FBN1: variants seen among roughly 807,000 people sequenced by gnomAD.
FBN1 encodes the protein fibrillin-1.
In FBN1, 29 loss-of-function variants were observed where a neutral mutation model predicts 365.1. The observed-to-expected ratio is 0.08, with a 90% CI of 0.06 to 0.11. The LOEUF is 0.11. FBN1 is among the 10% of genes least tolerant of loss of function. The probability of loss-of-function intolerance (pLI) is 1.00; values close to 1 mark genes in which losing one functional copy is unlikely to be tolerated. For missense variants in FBN1, 2,476 were observed against 3,703.2 expected (o/e 0.67, Z 8.60); for synonymous variants, 1,210 against 1,270.5 (o/e 0.95, Z 1.01).
intron 34 of FBN1, among the ~76,000 whole-genome samples, chr15:48,473,051 CA>C: frequency 6.6e-6 from 1 of 152,278 alleles, no homozygotes; most frequent in South Asian, 2.1e-4. Flanking sequence ...AAAAGAATGG[CA>C]ACCATAGGGA....
At chr15:48,418,828 C>T (rs1057307892) in intron 63 of FBN1, among the ~76,000 whole-genome samples, 1 of 152,206 alleles carries the variant, frequency 6.6e-6, no homozygotes, top group South Asian at 2.1e-4. Flanking sequence ...ATCCAGCTTG[C>T]ACTGTTCATG....
At position 48,585,447 on chromosome 15, in the gene FBN1, A is replaced by ATTT. The variant is rs532544002; in HGVS notation, c.538+10835_538+10836insAAA. Among the ~76,000 whole-genome samples, 387 of 152,370 alleles carry ATTT rather than the reference A, an allele frequency of 2.5e-3. 1 individual carries two copies. Among genetic ancestry groups the ATTT allele is most frequent in the Admixed American group, 6.2e-3 (95 of 15,304 alleles). Reference sequence around the variant, plus strand: ...CACTTCCTACAATATTTCAGTTATAAATAACTACACTAATATTTCCATATA... The same window carrying ATTT: ...CACTTCCTACAATATTTCAGTTATAATTTATAACTACACTAATATTTCCATATA... On this transcript the variant is annotated intron_variant, in intron 6 of 65. Transcript: ENST00000316623.
At chr15:48,599,453 T>C (rs1012445020) in intron 5 of FBN1, among the ~76,000 whole-genome samples, 2 of 152,182 alleles carry the variant, frequency 1.3e-5, no homozygotes, top group East Asian at 3.9e-4. Context: ...CTATCTGGAA[T>C]GATGAAATCA....
At chr15:48,477,882 G>T (rs1315715996) in intron 32 of FBN1, among the ~76,000 whole-genome samples, 1 of 152,190 alleles carries the variant, frequency 6.6e-6, no homozygotes, top group Non-Finnish European at 1.5e-5. Context: ...AGGTCCTCTT[G>T]CATGGCTCTC....
Position 48,505,227 on chromosome 15 carries a change from C to A in FBN1, c.1838-80G>T, listed in dbSNP as rs8037304. 0.17 allele frequency: 258,561 copies of A among 1,552,050 alleles called. 25,805 individuals carry two copies. The highest frequency in any genetic ancestry group is 0.39 in the African/African-American group (28,802 of 73,570). ...AACATGTTGACAATTATGTTTTAACCCTTGAAAATGGGGAAGATAGGAAAT... is the reference window on the plus strand; with the variant it reads ...AACATGTTGACAATTATGTTTTAACACTTGAAAATGGGGAAGATAGGAAAT... On this transcript the variant is annotated intron_variant, in intron 15 of 65. Transcript: ENST00000316623.
chr15:48,603,562 A>C (rs2044583652), intron 4 of FBN1, among the ~76,000 whole-genome samples: 1 of 152,238 alleles, frequency 6.6e-6, no homozygotes, highest in South Asian at 2.1e-4. Flanking sequence ...CCATTGATGC[A>C]TATTCTAAAT....
intron 24 of FBN1, 104 bp downstream of exon 24, chr15:48,492,357 G>C (rs1438280207): frequency 1.8e-6 from 2 of 1,138,620 alleles, no homozygotes; most frequent in African/African-American, 3.1e-5. Flanking sequence ...ATTTTGGAGT[G>C]TGTGTCTGTA....
chr15:48,586,609 C>A lies in FBN1; in HGVS notation c.538+9674G>T, dbSNP rs529291342. 7.1e-4 allele frequency among the ~76,000 whole-genome samples: 108 copies of A among 152,282 alleles called. 2 individuals carry two copies. Among genetic ancestry groups the A allele is most frequent in the Non-Finnish European group, 1.4e-3 (92 of 68,016 alleles). ...GATAGTCCAGCTCTCCTATATGATT[C>A]TTTAAAGTATTTGAGAACCAAACCC... On this transcript the variant is annotated intron_variant, in intron 6 of 65. Coordinates refer to ENST00000316623, the MANE Select transcript of FBN1 (RefSeq NM_000138.5).
At chr15:48,634,413 T>C (rs1387276248) in intron 2 of FBN1, among the ~76,000 whole-genome samples, 11 of 152,190 alleles carry the variant, frequency 7.2e-5, no homozygotes, top group Non-Finnish European at 1.5e-5. Context: ...ACAGGTCGCC[T>C]GGTCCCAATG....
At chr15:48,446,858 T>C (rs957788258) in intron 46 of FBN1, 36 bp from the exon 47 acceptor site, 2 of 1,423,076 alleles carry the variant, frequency 1.4e-6, no homozygotes, top group Admixed American at 1.7e-5. Context: ...AACATAATTA[T>C]AAGTAGAAAA....
At chr15:48,532,883 C>T (rs959401352) in intron 8 of FBN1, among the ~76,000 whole-genome samples, 6 of 152,020 alleles carry the variant, frequency 3.9e-5, no homozygotes, top group Non-Finnish European at 5.9e-5. Context: ...ACAACTACCC[C>T]GAATAACTAT....
intron 41 of FBN1, 113 bp from the exon 42 acceptor site, chr15:48,463,353 C>T: frequency 9.3e-7 from 1 of 1,078,798 alleles, no homozygotes; most frequent in Non-Finnish European, 1.4e-6. Flanking sequence ...TGTATTGTAG[C>T]TTGACTTTGA....
rs140626 is a variant in FBN1, at chr15:48,463,965, C to G, written c.4999G>C (p.Val1667Leu). ...GGACAGATACAGGTGTAGTTGCCAACGGTGTTGTAACATGTCCCTGGACCA... is the reference window on the plus strand; with the variant it reads ...GGACAGATACAGGTGTAGTTGCCAAGGGTGTTGTAACATGTCCCTGGACCA... The part of the protein sequence containing the change: ...ICGPGTCYNT[V>L]GNYTCICPPD... The change falls in exon 41 of 66, where the codon GTT becomes CTT. Residue 1667 changes from valine (V) to leucine (L), a missense_variant. Coordinates refer to ENST00000316623, the MANE Select transcript of FBN1 (RefSeq NM_000138.5). 4 of 1,613,568 alleles carry G rather than the reference C, an allele frequency of 2.5e-6. No homozygotes were observed. The Admixed American group carries it at 6.7e-5, about 27-fold the overall frequency.
chr15:48,617,514 G>A (rs1566939158), intron 2 of FBN1, among the ~76,000 whole-genome samples: 1 of 152,140 alleles, frequency 6.6e-6, no homozygotes, highest in African/African-American at 2.4e-5. Context: ...GTTTATAGGG[G>A]AAAGAGGGAA....
intron 6 of FBN1, among the ~76,000 whole-genome samples, chr15:48,572,953 T>C (rs1394096899): frequency 6.6e-6 from 1 of 152,124 alleles, no homozygotes; most frequent in African/African-American, 2.4e-5. Flanking sequence ...ACAAGTAGAC[T>C]AGTTGCGAAC....
chr15:48,510,219 A>C, intron 13 of FBN1, 50 bp from the exon 14 acceptor site: 1 of 1,593,914 alleles, frequency 6.3e-7, no homozygotes, highest in South Asian at 1.1e-5. Flanking sequence ...GGGGAGTTAA[A>C]ATTATTTTAT....
chr15:48,507,768 C>T (rs966131216), intron 15 of FBN1, among the ~76,000 whole-genome samples: 1 of 152,140 alleles, frequency 6.6e-6, no homozygotes, highest in Non-Finnish European at 1.5e-5. Flanking sequence ...CTAAGTGCAG[C>T]ATTTTAGCAG....
At chr15:48,559,638 G>C (rs888519324) in intron 6 of FBN1, among the ~76,000 whole-genome samples, 1 of 152,154 alleles carries the variant, frequency 6.6e-6, no homozygotes, top group Non-Finnish European at 1.5e-5. Flanking sequence ...CAGAATGACT[G>C]AGTAAATGCT....
intron 49 of FBN1, 137 bp from the exon 50 acceptor site, chr15:48,441,983 A>G: frequency 2.2e-6 from 2 of 894,638 alleles, no homozygotes; most frequent in South Asian, 2.7e-5. Context: ...TCTGTACCAT[A>G]ACACTGTGGA....
Sources: allele counts gnomAD v4.1 joint callset (sites outside exome capture counted in the v4.1 genomes callset), GRCh38; gene constraint gnomAD v4.1.1; transcripts MANE v1.5; gene names NCBI Gene and HGNC (gene_info 2026-07-23, HGNC 2026-07-21).